The following RSRC1 variants were observed in gnomAD, a reference collection of about 807,000 sequenced individuals.
The protein encoded by RSRC1 is arginine and serine rich coiled-coil 1.
Under a neutral mutation model 49.1 loss-of-function variants are expected in RSRC1, and 39 were observed. The ratio of observed to expected loss-of-function variants is 0.79; its 90% confidence interval spans 0.61 to 1.04. The LOEUF (loss-of-function observed/expected upper bound fraction) is 1.04, where lower values mean the gene tolerates loss of function less well. Among genes scored for constraint, RSRC1 ranks in the 50% least tolerant of loss-of-function variants. The probability of loss-of-function intolerance (pLI) is 0.00; values close to 1 mark genes in which losing one functional copy is unlikely to be tolerated. For synonymous variants in RSRC1, 143 were observed against 130.8 expected (o/e 1.09, Z -0.63); for missense variants, 388 against 402.4 (o/e 0.96, Z 0.31).
intron 7 of RSRC1, among the ~76,000 whole-genome samples, chr3:158,491,622 A>G (rs1436385619): frequency 6.6e-6 from 1 of 151,918 alleles, no homozygotes; most frequent in Non-Finnish European, 1.5e-5. Context: ...AATTTTAGTT[A>G]AATTAAGTTA....
At chr3:158,342,101 C>T (rs374001122) in intron 5 of RSRC1, among the ~76,000 whole-genome samples, 5 of 152,106 alleles carry the variant, frequency 3.3e-5, no homozygotes, top group African/African-American at 4.8e-5. Context: ...GGCTTATAGG[C>T]GGAAGGAATT....
chr3:158,319,216 G>C (rs1728624363), intron 5 of RSRC1, among the ~76,000 whole-genome samples: 1 of 152,040 alleles, frequency 6.6e-6, no homozygotes, highest in South Asian at 2.1e-4. Context: ...TCATGGGGGT[G>C]GTTTCCCCCA....
chr3:158,373,230 T>A (rs368999013), intron 6 of RSRC1, among the ~76,000 whole-genome samples: 1 of 151,930 alleles, frequency 6.6e-6, no homozygotes, highest in African/African-American at 2.4e-5. Flanking sequence ...TCATTTCTTA[T>A]TTTTACCTTA....
chr3:158,223,776 C>T (rs759886694), intron 4 of RSRC1, among the ~76,000 whole-genome samples: 22 of 151,780 alleles, frequency 1.4e-4, no homozygotes, highest in Non-Finnish European at 2.9e-4. Context: ...GTTTATCTCA[C>T]GCCACTCAAG....
At chr3:158,336,042 G>A (rs1422950354) in intron 5 of RSRC1, among the ~76,000 whole-genome samples, 4 of 152,164 alleles carry the variant, frequency 2.6e-5, no homozygotes, top group Admixed American at 6.5e-5. Context: ...CATTTAATCC[G>A]CAACTGTAAG....
chr3:158,514,367 G>A (rs753886060), intron 7 of RSRC1, among the ~76,000 whole-genome samples: 51 of 152,142 alleles, frequency 3.4e-4, no homozygotes, highest in Non-Finnish European at 5.9e-4. Flanking sequence ...CCTTCATTTC[G>A]TTATGTACCC....
intron 1 of RSRC1, among the ~76,000 whole-genome samples, chr3:158,115,678 T>G (rs898811000): frequency 5.3e-5 from 8 of 152,198 alleles, no homozygotes; most frequent in Non-Finnish European, 1.2e-4. Context: ...CTATTTTCCT[T>G]TTTTGCAAAT....
At chr3:158,227,128 C>T (rs1189196642) in intron 4 of RSRC1, among the ~76,000 whole-genome samples, 1 of 151,648 alleles carries the variant, frequency 6.6e-6, no homozygotes, top group Non-Finnish European at 1.5e-5. Flanking sequence ...TCCTTTATCC[C>T]TCCTCCTTTA....
At chr3:158,131,029 A>C (rs1715984895) in intron 3 of RSRC1, among the ~76,000 whole-genome samples, 1 of 152,152 alleles carries the variant, frequency 6.6e-6, no homozygotes. Context: ...TATGCTGAAG[A>C]AAAGTGATGA....
intron 3 of RSRC1, among the ~76,000 whole-genome samples, chr3:158,179,562 T>G (rs1719459884): frequency 6.6e-6 from 1 of 152,208 alleles, no homozygotes; most frequent in Admixed American, 6.5e-5. Context: ...TCTATGTTGT[T>G]GTGTATATCA....
intron 3 of RSRC1, among the ~76,000 whole-genome samples, chr3:158,156,550 T>A (rs375536199): frequency 6.6e-6 from 1 of 152,242 alleles, no homozygotes; most frequent in African/African-American, 2.4e-5. Flanking sequence ...TATGCCTTCC[T>A]TGCAAAGCTT....
At chr3:158,451,722 T>C (rs1291979235) in intron 6 of RSRC1, among the ~76,000 whole-genome samples, 5 of 152,038 alleles carry the variant, frequency 3.3e-5, no homozygotes, top group Non-Finnish European at 7.4e-5. Context: ...CAGTGGTGCT[T>C]TTTAGAGACA....
chr3:158,531,979 T>C (rs564561674), intron 7 of RSRC1, among the ~76,000 whole-genome samples: 1 of 148,296 alleles, frequency 6.7e-6, no homozygotes, highest in African/African-American at 2.5e-5. Flanking sequence ...AAAAATACTT[T>C]ACATTTCAAA....
chr3:158,311,763 AGTTT>A (rs1462421152), intron 5 of RSRC1, among the ~76,000 whole-genome samples: 2 of 152,142 alleles, frequency 1.3e-5, no homozygotes, highest in Admixed American at 6.5e-5. Context: ...TATGTTAATT[AGTTT>A]GATTATGGCA....
chr3:158,225,500 G>C (rs1722479614), intron 4 of RSRC1, among the ~76,000 whole-genome samples: 1 of 151,820 alleles, frequency 6.6e-6, no homozygotes, highest in African/African-American at 2.4e-5. Context: ...ATTGCCTCCT[G>C]TTCAGTTACT....
At chr3:158,543,185 C>A in intron 8 of RSRC1, 150 bp from the exon 9 acceptor site, 1 of 479,046 alleles carries the variant, frequency 2.1e-6, no homozygotes, top group Non-Finnish European at 3.5e-6. Flanking sequence ...ATTTCTAAAA[C>A]AAACAAATAC....
At chr3:158,435,581 A>G (rs73172108) in intron 6 of RSRC1, among the ~76,000 whole-genome samples, 20 of 151,736 alleles carry the variant, frequency 1.3e-4, no homozygotes, top group Non-Finnish European at 2.7e-4. Flanking sequence ...AAAGATATAG[A>G]TATAAATATA....
intron 5 of RSRC1, among the ~76,000 whole-genome samples, chr3:158,344,237 C>T (rs970297678): frequency 2.6e-5 from 4 of 151,836 alleles, no homozygotes; most frequent in East Asian, 1.9e-4. Context: ...TCAGCCTAGC[C>T]GACAGAGCAA....
chr3:158,468,288 T>G (rs769816504), intron 7 of RSRC1, among the ~76,000 whole-genome samples: 1 of 152,206 alleles, frequency 6.6e-6, no homozygotes, highest in Non-Finnish European at 1.5e-5. Flanking sequence ...TAGCTCTAAA[T>G]AACTCAAGTA....
Sources: gnomAD v4.1 joint callset for allele counts (sites outside exome capture counted in the v4.1 genomes callset) on GRCh38, gnomAD v4.1.1 for gene constraint, MANE v1.5 for transcripts, NCBI Gene and HGNC (gene_info 2026-07-23, HGNC 2026-07-21) for gene names.